Variants in LRBA observed in about 807,000 individuals in gnomAD.
The protein encoded by LRBA is lipopolysaccharide-responsive and beige-like anchor protein.
Under a neutral mutation model 330.0 loss-of-function variants are expected in LRBA, and 176 were observed. The observed-to-expected ratio is 0.53, with a 90% CI of 0.47 to 0.60. LRBA has a LOEUF of 0.60. LRBA is among the 20% of genes least tolerant of loss of function. The pLI is 0.00. For missense variants in LRBA, 3,259 were observed against 3,444.8 expected, an observed-to-expected ratio of 0.95 and a Z score of 1.35; for synonymous variants, 1,230 against 1,193.0, an observed-to-expected ratio of 1.03 and a Z score of -0.64.
intron 40 of LRBA, among the ~76,000 whole-genome samples, chr4:150,545,596 TTA>T (rs1765767441): frequency 6.6e-6 from 1 of 152,138 alleles, no homozygotes; most frequent in South Asian, 2.1e-4. Context: ...AAAACAACAA[TTA>T]TATAATATCT....
intron 8 of LRBA, 93 bp downstream of exon 8, chr4:150,915,515 A>C: frequency 8.7e-7 from 1 of 1,155,928 alleles, no homozygotes. Flanking sequence ...TAATACTTTG[A>C]ATTTTATATT....
intron 47 of LRBA, among the ~76,000 whole-genome samples, chr4:150,375,088 G>C (rs879837300): frequency 6.6e-6 from 1 of 152,136 alleles, no homozygotes; most frequent in Non-Finnish European, 1.5e-5. Flanking sequence ...GAGTAAGGGG[G>C]GGAATTAGTA....
intron 40 of LRBA, among the ~76,000 whole-genome samples, chr4:150,578,205 T>C (rs79418214): frequency 0.017 from 2,626 of 152,322 alleles, 82 homozygotes; most frequent in African/African-American, 0.058. Flanking sequence ...CAAGGACATG[T>C]TGATAAATCT....
chr4:151,014,341 G>T, intron 2 of LRBA, 86 bp downstream of exon 2: 3 of 1,093,522 alleles, frequency 2.7e-6, no homozygotes, highest in East Asian at 2.5e-5. Flanking sequence ...CCATCAGTGT[G>T]AGTAAACCAC....
chr4:150,342,073 C>T (rs1010657686), intron 48 of LRBA, among the ~76,000 whole-genome samples: 8 of 151,610 alleles, frequency 5.3e-5, no homozygotes, highest in Admixed American at 1.3e-4. Context: ...TTTTTTAATT[C>T]GTAAAAATAG....
chr4:150,536,142 A>C (rs909928205), intron 40 of LRBA, among the ~76,000 whole-genome samples: 7 of 152,162 alleles, frequency 4.6e-5, no homozygotes, highest in African/African-American at 1.7e-4. Flanking sequence ...GTTATGAGTA[A>C]AGAATTGCTC....
intron 56 of LRBA, among the ~76,000 whole-genome samples, chr4:150,271,283 G>A (rs186146016): frequency 2.0e-5 from 3 of 151,342 alleles, no homozygotes; most frequent in East Asian, 1.9e-4. Context: ...CAGGGCGGCC[G>A]TTTGGGTAGA....
chr4:150,413,964 C>CACTGT, intron 47 of LRBA, among the ~76,000 whole-genome samples: 1 of 151,774 alleles, frequency 6.6e-6, no homozygotes, highest in Admixed American at 6.6e-5. Context: ...CTTCATCTCT[C>CACTGT]AATCACAGAA....
At chr4:150,951,713 T>C (rs192791368) in intron 2 of LRBA, among the ~76,000 whole-genome samples, 7 of 152,266 alleles carry the variant, frequency 4.6e-5, no homozygotes, top group African/African-American at 1.7e-4. Flanking sequence ...AATAACCAAA[T>C]AATAAAGTAG....
At chr4:150,887,247 G>A (rs372805779) in intron 17 of LRBA, among the ~76,000 whole-genome samples, 92 of 152,024 alleles carry the variant, frequency 6.1e-4, no homozygotes, top group African/African-American at 2.2e-3. Flanking sequence ...ATATCAAAAT[G>A]TAAAACACAA....
At chr4:151,002,376 G>C (rs908167875) in intron 2 of LRBA, among the ~76,000 whole-genome samples, 4 of 151,526 alleles carry the variant, frequency 2.6e-5, no homozygotes, top group Non-Finnish European at 5.9e-5. Flanking sequence ...AGACCAGACC[G>C]GCCAAAATGA....
chr4:151,013,212 G>A (rs1300866742), intron 2 of LRBA: 1 of 152,198 alleles, frequency 6.6e-6, no homozygotes, highest in Admixed American at 6.5e-5. Flanking sequence ...GTGCTAAACA[G>A]TTATTACAAT....
chr4:150,882,022 G>A (rs1185007894), intron 17 of LRBA, among the ~76,000 whole-genome samples: 1 of 151,956 alleles, frequency 6.6e-6, no homozygotes, highest in East Asian at 1.9e-4. Flanking sequence ...AGAGGCAGAA[G>A]TTGCAGTGAG....
intron 56 of LRBA, among the ~76,000 whole-genome samples, chr4:150,275,770 A>G (rs1307918542): frequency 6.6e-6 from 1 of 152,228 alleles, no homozygotes; most frequent in Non-Finnish European, 1.5e-5. Context: ...GCTCAAGGAA[A>G]TAAGAGAGGA....
chr4:150,595,464 C>T (rs1320746460), intron 38 of LRBA, among the ~76,000 whole-genome samples: 1 of 151,904 alleles, frequency 6.6e-6, no homozygotes, highest in Non-Finnish European at 1.5e-5. Flanking sequence ...CATATGCTTA[C>T]AAGATACTTT....
chr4:150,652,677 T>C (rs1278171946), intron 37 of LRBA, among the ~76,000 whole-genome samples: 2 of 152,216 alleles, frequency 1.3e-5, no homozygotes, highest in Non-Finnish European at 1.5e-5. Context: ...ATAAAATATT[T>C]AGATTCTTTC....
intron 37 of LRBA, among the ~76,000 whole-genome samples, chr4:150,616,942 G>C (rs141371826): frequency 6.6e-6 from 1 of 152,202 alleles, no homozygotes; most frequent in East Asian, 1.9e-4. Context: ...AAGATAAAAA[G>C]TCAAAATCAC....
At chr4:150,334,893 A>C (rs1734454255) in intron 48 of LRBA, among the ~76,000 whole-genome samples, 2 of 145,282 alleles carry the variant, frequency 1.4e-5, no homozygotes, top group Non-Finnish European at 3.0e-5. Context: ...GTGGTGGTGC[A>C]ACCTTGTCTC....
chr4:150,367,308 GT>G (rs1416761964), intron 47 of LRBA, among the ~76,000 whole-genome samples: 1 of 152,160 alleles, frequency 6.6e-6, no homozygotes, highest in Non-Finnish European at 1.5e-5. Context: ...TAAGGTGGAG[GT>G]AAGGAAAGAA....
Sources: gnomAD v4.1 joint callset for allele counts (sites outside exome capture counted in the v4.1 genomes callset) on GRCh38, gnomAD v4.1.1 for gene constraint, MANE v1.5 for transcripts, NCBI Gene and HGNC (gene_info 2026-07-23, HGNC 2026-07-21) for gene names.